The following RNF216 variants were observed in gnomAD, a reference collection of about 807,000 sequenced individuals.
The protein encoded by RNF216 is E3 ubiquitin-protein ligase RNF216.
Under a neutral mutation model 110.8 loss-of-function variants are expected in RNF216, and 72 were observed. That is an observed-to-expected ratio of 0.65 (90% confidence interval 0.54 to 0.79). The LOEUF (loss-of-function observed/expected upper bound fraction) is 0.79, where lower values mean the gene tolerates loss of function less well. RNF216 is among the 30% of genes least tolerant of loss of function. The probability of loss-of-function intolerance (pLI) is 0.00; values close to 1 mark genes in which losing one functional copy is unlikely to be tolerated. For missense variants in RNF216, 1,342 were observed against 1,141.2 expected (o/e 1.18, Z -2.54); for synonymous variants, 495 against 407.5 (o/e 1.21, Z -2.59).
chr7:5,760,606 C>CA (rs1405948862), intron 2 of RNF216: 2 of 287,638 alleles, frequency 7.0e-6, no homozygotes, highest in Non-Finnish European at 1.4e-5. Flanking sequence ...AATCTTCTGG[C>CA]AAAAAAGAAA....
chr7:5,680,961 C>G lies in RNF216; in HGVS notation c.2062-28451G>C, dbSNP rs927738091. On this transcript the variant is annotated intron_variant, in intron 13 of 16. Transcript: ENST00000389902. The surrounding 1 kb of genome is among the most constrained non-coding windows in gnomAD (Gnocchi z 4.3). ...CCAGCCTAGATCCCCTCTGGCTGGG[C>G]CATGGCGGAGAGCCTGGACTTCAGG... Among the ~76,000 whole-genome samples, 92 of 152,310 alleles carry G rather than the reference C, an allele frequency of 6.0e-4. No individual in the cohort carries two copies. The highest frequency in any genetic ancestry group is 1.8e-3 in the African/African-American group (75 of 41,568).
At chr7:5,641,558 CT>C (rs140322792) in intron 14 of RNF216, among the ~76,000 whole-genome samples, 182 bp from the exon 15 acceptor site, 3,672 of 152,154 alleles carry the variant, frequency 0.024, 66 homozygotes, top group Non-Finnish European at 0.035. Flanking sequence ...ATTGTATGAC[CT>C]TCAGTAAATT....
rs1793023567 is a variant in RNF216 at position 5,715,817 on chromosome 7, C to T, written c.1696-627G>A. On this transcript the variant is annotated intron_variant, in intron 10 of 16. Transcript: ENST00000389902. ...AGTGCAGTGGCACGATCTTGGCTCA[C>T]TGCAACCTCCACCTCCCAGGTTCAA... is the stretch of plus-strand genomic sequence containing the variant. 2.7e-5 allele frequency among the ~76,000 whole-genome samples: 4 copies of T among 150,418 alleles called. No individual in the cohort carries two copies. In the South Asian group the frequency reaches 8.4e-4, roughly 32 times the overall value.
At chr7:5,726,170 C>T (rs890336339) in intron 7 of RNF216, among the ~76,000 whole-genome samples, 15 of 151,928 alleles carry the variant, frequency 9.9e-5, no homozygotes, top group Non-Finnish European at 1.9e-4. Context: ...CCCAGGTACT[C>T]GGAGGCTAAG....
At chr7:5,751,642 G>C (rs1795332546) in intron 3 of RNF216, among the ~76,000 whole-genome samples, 1 of 151,910 alleles carries the variant, frequency 6.6e-6, no homozygotes, top group Non-Finnish European at 1.5e-5. Context: ...TCTCTTTTCT[G>C]TCTCCCTGTC....
intron 7 of RNF216, among the ~76,000 whole-genome samples, chr7:5,726,850 T>C (rs375887797): frequency 1.3e-5 from 2 of 148,764 alleles, no homozygotes; most frequent in Admixed American, 6.7e-5. Context: ...AGAGCGTGAC[T>C]CTGTCTTAAA....
chr7:5,744,988 A>G (rs1417595470), intron 3 of RNF216, among the ~76,000 whole-genome samples: 1 of 152,242 alleles, frequency 6.6e-6, no homozygotes, highest in South Asian at 2.1e-4. Flanking sequence ...AGAAAAAAAA[A>G]AAAGAAAACT....
At position 5,752,885 on chromosome 7, in the gene RNF216, A is replaced by G. The variant is rs138557303; in HGVS notation, c.162T>C (p.His54=). Residue 54 remains histidine, a synonymous_variant, in exon 3 of 17, where the codon CAT becomes CAC. Transcript: ENST00000389902. The stretch of plus-strand genomic sequence containing the variant: ...CATCATCATCCAGGTCCTCTTCTTC[A>G]TGCTGCTGAGGAGCTGGGGTGACCA... The part of the protein sequence containing the change: ...PMLVTPAPQQ[H]EEEDLDDDVI... The G allele has an allele frequency of 6.8e-6, 11 of 1,612,864 alleles. No individual in the cohort carries two copies. Among genetic ancestry groups the G allele is most frequent in the African/African-American group, 5.3e-5 (4 of 75,014 alleles).
intron 3 of RNF216, among the ~76,000 whole-genome samples, chr7:5,747,552 A>G (rs1795091355): frequency 6.6e-6 from 1 of 152,142 alleles, no homozygotes. Flanking sequence ...GCCCCTTTAT[A>G]AACTAAGACA....
rs763202402 is a variant in RNF216 at position 5,622,839 on chromosome 7, C to T, written c.*21G>A. 1.2e-5 allele frequency: 19 copies of T among 1,579,252 alleles called. No individual in the cohort carries two copies. In the South Asian group the frequency reaches 2.0e-4, roughly 16 times the overall value. ...CCTACCCCAAACGGGCTTTGTGCTG[C>T]TCAATGGGGATTCGGGGCCATCAGA... On this transcript the variant is annotated 3_prime_UTR_variant, in exon 17 of 17. Transcript: ENST00000389902.
intron 15 of RNF216, among the ~76,000 whole-genome samples, chr7:5,628,802 C>T (rs189057874): frequency 1.1e-3 from 174 of 152,120 alleles, no homozygotes; most frequent in African/African-American, 4.2e-3. Context: ...GGATTACAGG[C>T]ATGAGCCATC....
At chr7:5,773,477 G>A (rs1053755223) in intron 1 of RNF216, among the ~76,000 whole-genome samples, 4 of 151,802 alleles carry the variant, frequency 2.6e-5, no homozygotes, top group African/African-American at 7.3e-5. Context: ...TCCTGACCTC[G>A]TGATTTCCCC....
At position 5,765,785 on chromosome 7, in the gene RNF216, TACAAA is replaced by T. The variant is rs1562475348; in HGVS notation, c.-69-4652_-69-4648del. On this transcript the variant is annotated intron_variant, in intron 1 of 16. Coordinates refer to ENST00000389902, the MANE Select transcript of RNF216 (RefSeq NM_207111.4). ...CAGTGAAACCCCGTCTCTACTAAAA[TACAAA>T]AAAAAAAAAAAAAAAATTAGCCAGG... Among the ~76,000 whole-genome samples, 3 of 52,712 alleles carry T rather than the reference TACAAA, an allele frequency of 5.7e-5. No homozygotes were observed. In the South Asian group the frequency reaches 1.7e-3, roughly 30 times the overall value. The allele number at this position is 52,712 out of a possible 152,430, so 34.6% of individuals were successfully genotyped here. A position where few individuals can be genotyped will look rare whatever the true frequency, so the allele number is the denominator to read the frequency against.
At chr7:5,681,907 G>A (rs562812785) in intron 13 of RNF216, among the ~76,000 whole-genome samples, 1 of 152,194 alleles carries the variant, frequency 6.6e-6, no homozygotes, top group Admixed American at 6.5e-5. Flanking sequence ...AGCCCCTAAG[G>A]GTGGTAACCC....
rs1388196897 is a variant in RNF216, at chr7:5,737,540, TAATAATA to T, written c.1121+1729_1121+1735del. 1.0e-3 allele frequency among the ~76,000 whole-genome samples: 148 copies of T among 145,598 alleles called. 1 individual carries two copies. The highest frequency in any genetic ancestry group is 3.5e-3 in the Middle Eastern group (1 of 286). Reference sequence around the variant, plus strand: ...CAATTAAAAATAATAATAATAATAATAATAATAAATAAATAAATATAAATCTGATGAC... The same window carrying T: ...CAATTAAAAATAATAATAATAATAATAATAAATAAATATAAATCTGATGAC... On this transcript the variant is annotated intron_variant, in intron 5 of 16. Transcript: ENST00000389902.
At chr7:5,692,113 A>G (rs1397059166) in intron 13 of RNF216, among the ~76,000 whole-genome samples, 2 of 152,256 alleles carry the variant, frequency 1.3e-5, no homozygotes, top group African/African-American at 4.8e-5. Context: ...CCCGCAAATC[A>G]TGCCTGGAAA....
intron 14 of RNF216, among the ~76,000 whole-genome samples, chr7:5,641,895 T>C (rs1787753338): frequency 6.6e-6 from 1 of 151,768 alleles, no homozygotes. Context: ...TTGCCAGGCG[T>C]GGTAGTGCAC....
In RNF216 at chr7:5,741,814, G is replaced by C. The variant is rs1225283579; in HGVS notation, c.203C>G (p.Thr68Arg). Residue 68 changes from threonine (T) to arginine (R), a missense_variant and splice_region_variant, in exon 4 of 17, where the codon ACA becomes AGA. By Grantham distance (71) the Thr-to-Arg change is moderately conservative. Coordinates refer to ENST00000389902, the MANE Select transcript of RNF216 (RefSeq NM_207111.4). ...DLDDDVILTE[T>R]NKPQRSRPNL... ...GGGTCGTGATCTCTGAGGTTTATTTGTCTAAGAAAAAATGAAATTTTAATA... is the reference window on the plus strand; with the variant it reads ...GGGTCGTGATCTCTGAGGTTTATTTCTCTAAGAAAAAATGAAATTTTAATA... 2 of 1,585,236 alleles carry C rather than the reference G, an allele frequency of 1.3e-6. No homozygotes were observed. Among genetic ancestry groups the C allele is most frequent in the Non-Finnish European group, 1.7e-6 (2 of 1,170,254 alleles).
rs200847164 is a variant in RNF216 at position 5,622,942 on chromosome 7, T to G, written c.2690A>C (p.Asn897Thr). The G allele has an allele frequency of 1.2e-5, 20 of 1,613,974 alleles. No homozygotes were observed. The highest frequency in any genetic ancestry group is 1.3e-5 in the African/African-American group (1 of 75,054). ...CATGTGGATGGGACCGAAGTCATAG[T>G]TGACCCGCACGTTGGGCAGAGGGGG... The part of the protein sequence containing the change: ...YVPPLPNVRV[N>T]YDFGPIHMPL... Residue 897 changes from asparagine (N) to threonine (T), a missense_variant, in exon 17 of 17, where the codon AAC becomes ACC. Transcript: ENST00000389902.
Sources: gnomAD v4.1 joint callset for allele counts (sites outside exome capture counted in the v4.1 genomes callset) on GRCh38, gnomAD v4.1.1 for gene constraint, Gnocchi (gnomAD v3.1) non-coding constraint, MANE v1.5 for transcripts, NCBI Gene and HGNC (gene_info 2026-07-23, HGNC 2026-07-21) for gene names.